The following RNF148 variants were observed in gnomAD, a reference collection of about 807,000 sequenced individuals.
The protein encoded by RNF148 is ring finger protein 148.
In RNF148, 16 loss-of-function variants were observed where a neutral mutation model predicts 21.1. That is an observed-to-expected ratio of 0.76 (90% CI 0.51 to 1.15). The LOEUF is 1.15. Ranked by LOEUF, RNF148 falls within the 50% of genes most tolerant of loss-of-function variation. The probability of loss-of-function intolerance (pLI) is 0.00; values close to 1 mark genes in which losing one functional copy is unlikely to be tolerated. For missense variants in RNF148, 424 were observed against 374.2 expected, an observed-to-expected ratio of 1.13 and a Z score of -1.10; for synonymous variants, 150 against 136.4, an observed-to-expected ratio of 1.10 and a Z score of -0.69.
In RNF148 at chr7:122,702,431, C is replaced by T. The variant is rs368845403; in HGVS notation, c.320G>A (p.Arg107His). The T allele has an allele frequency of 1.4e-5, 23 of 1,613,650 alleles. No homozygotes were observed. Among genetic ancestry groups the T allele is most frequent in the Middle Eastern group, 1.6e-4 (1 of 6,084 alleles). Residue 107 changes from arginine (R) to histidine (H), a missense_variant, in exon 1 of 1, where the codon CGT (arginine) becomes CAT (histidine). Coordinates refer to ENST00000434824, the MANE Select transcript of RNF148 (RefSeq NM_198085.2). ...TTTATGTGTAAAAGTACAGCCTCCA[C>T]GTTCGATGAGGGCCAGCCATGAGTC... is the stretch of plus-strand genomic sequence containing the variant. ...QADSWLALIE[R>H]GGCTFTHKIN...
chr7:122,702,735 T>C lies in RNF148; in HGVS notation c.16A>G (p.Ile6Val). 3 of 1,603,564 alleles carry C rather than the reference T, an allele frequency of 1.9e-6. No homozygotes were observed. Among genetic ancestry groups the C allele is most frequent in the Non-Finnish European group, 2.6e-6 (3 of 1,174,678 alleles). The change falls in exon 1 of 1, where the codon ATT becomes GTT. Residue 6 changes from isoleucine to valine, a missense_variant. Physicochemically the swap from Ile to Val is conservative, Grantham distance 29. Transcript: ENST00000434824. MSFLR[I>V]TPSTHSSVSS... ...ACAGAACTATGCGTCGAAGGGGTAATTCTAAGGAAGCTCATGCCTCCATTT... is the reference window on the plus strand; with the variant it reads ...ACAGAACTATGCGTCGAAGGGGTAACTCTAAGGAAGCTCATGCCTCCATTT...
In RNF148 at chr7:122,702,788, CA is replaced by C; in HGVS notation, c.-39del. On this transcript the variant is annotated 5_prime_UTR_variant, in exon 1 of 1. The change abolishes the stop of an existing upstream ORF in the 5' untranslated region. Transcript: ENST00000434824. The stretch of plus-strand genomic sequence containing the variant: ...CTATTAAGAGACAAACATGAGAAAA[CA>C]AAACAACATCAGTTGTAGAAGAACA... 2 of 1,424,814 alleles carry C rather than the reference CA, an allele frequency of 1.4e-6. No individual in the cohort carries two copies. Among genetic ancestry groups the C allele is most frequent in the Non-Finnish European group, 1.9e-6 (2 of 1,050,286 alleles). 88.3% of individuals were successfully genotyped at this position (1,424,814 alleles called of 1,614,324 possible). A position where few individuals can be genotyped will look rare whatever the true frequency, so the allele number is the denominator to read the frequency against.
rs1427816523 is a variant in RNF148, at chr7:122,702,790, AAAC to A, written c.-43_-41del. 4 of 1,413,020 alleles carry A rather than the reference AAAC, an allele frequency of 2.8e-6. No homozygotes were observed. The highest frequency in any genetic ancestry group is 2.7e-5 in the South Asian group (2 of 73,296). The allele number at this position is 1,413,020 out of a possible 1,614,324, so 87.5% of individuals were successfully genotyped here. A position where few individuals can be genotyped will look rare whatever the true frequency, so the allele number is the denominator to read the frequency against. On this transcript the variant is annotated 5_prime_UTR_variant, in exon 1 of 1. Transcript: ENST00000434824. ...ATTAAGAGACAAACATGAGAAAACA[AAAC>A]AACATCAGTTGTAGAAGAACATAAA...
At position 122,702,598 on chromosome 7, in the gene RNF148, C is replaced by T. The variant is rs771162238; in HGVS notation, c.153G>A (p.Glu51=). ...HLNITFQVGN[E]ITSELGESGV... is the part of the protein sequence containing the mutation. The stretch of plus-strand genomic sequence containing the variant: ...CACTCTCTCCTAATTCCGATGTGAT[C>T]TCATTTCCAACCTGAAATGTTATAT... The change falls in exon 1 of 1, where the codon GAG becomes GAA. Residue 51 remains glutamate, a synonymous_variant. Transcript: ENST00000434824. 8.8e-5 allele frequency: 142 copies of T among 1,613,662 alleles called. No individual in the cohort carries two copies. The highest frequency in any genetic ancestry group is 1.7e-4 in the Middle Eastern group (1 of 6,060).
In RNF148 at chr7:122,702,524, G is replaced by C. The variant is rs565042058; in HGVS notation, c.227C>G (p.Ala76Gly). The change falls in exon 1 of 1, where the codon GCA becomes GGA. Residue 76 changes from alanine (A) to glycine (G), a missense_variant. Ala to Gly is a moderately conservative substitution (Grantham distance 60, BLOSUM62 0). Transcript: ENST00000434824. ...ATTCTGATTCCATCCTTCAGGAAGT[G>C]CCACCACACCAGACACCCTTTCCAG... is the stretch of plus-strand genomic sequence containing the variant. ...SPLERVSGVV[A>G]LPEGWNQNAC... The C allele has an allele frequency of 1.5e-5, 25 of 1,613,562 alleles. No individual in the cohort carries two copies. The highest frequency in any genetic ancestry group is 1.9e-5 in the Non-Finnish European group (22 of 1,179,672).
Sources: allele counts gnomAD v4.1 joint callset, GRCh38; gene constraint gnomAD v4.1.1; transcripts MANE v1.5; gene names NCBI Gene and HGNC (gene_info 2026-07-23, HGNC 2026-07-21).